The following ATP8A2 variants were observed in gnomAD, a reference collection of about 807,000 sequenced individuals.
ATP8A2 encodes the protein phospholipid-transporting ATPase IB.
Under a neutral mutation model 165.6 loss-of-function variants are expected in ATP8A2, and 100 were observed. That is an observed-to-expected ratio of 0.60 (90% CI 0.51 to 0.71). The LOEUF (loss-of-function observed/expected upper bound fraction) is 0.71, where lower values mean the gene tolerates loss of function less well. Among genes scored for constraint, ATP8A2 ranks in the 30% least tolerant of loss-of-function variants. The pLI, the probability that ATP8A2 is intolerant of heterozygous loss-of-function variation, is 0.00. For synonymous variants in ATP8A2, 543 were observed against 548.8 expected (o/e 0.99, Z 0.15); for missense variants, 1,227 against 1,479.5 (o/e 0.83, Z 2.80).
intron 1 of ATP8A2, among the ~76,000 whole-genome samples, chr13:25,405,464 C>G (rs2138037181): frequency 6.6e-6 from 1 of 152,310 alleles, no homozygotes; most frequent in South Asian, 2.1e-4. Flanking sequence ...GGTCTTCTTT[C>G]TGAGTATGGC....
chr13:25,785,191 G>A (rs998065612), intron 27 of ATP8A2, among the ~76,000 whole-genome samples: 1 of 151,514 alleles, frequency 6.6e-6, no homozygotes, highest in Non-Finnish European at 1.5e-5. Flanking sequence ...CTGAGGTCAG[G>A]AGTTCAAGAC....
chr13:25,857,159 T>C (rs1952189865), intron 30 of ATP8A2, among the ~76,000 whole-genome samples: 1 of 152,154 alleles, frequency 6.6e-6, no homozygotes, highest in African/African-American at 2.4e-5. Context: ...GCCCCACTGG[T>C]CTTCGTAATG....
At chr13:25,765,632 G>T (rs1218957586) in intron 25 of ATP8A2, among the ~76,000 whole-genome samples, 1 of 151,730 alleles carries the variant, frequency 6.6e-6, no homozygotes, top group East Asian at 1.9e-4. Flanking sequence ...CGTATGACTT[G>T]CTTTATATAC....
chr13:25,999,129 G>A (rs1057372598), intron 35 of ATP8A2, among the ~76,000 whole-genome samples: 14 of 152,170 alleles, frequency 9.2e-5, no homozygotes, highest in Non-Finnish European at 1.3e-4. Flanking sequence ...AAGCACACAT[G>A]CAATTTTACA....
chr13:25,806,475 G>C (rs1259766067), intron 27 of ATP8A2, among the ~76,000 whole-genome samples: 1 of 152,044 alleles, frequency 6.6e-6, no homozygotes, highest in Non-Finnish European at 1.5e-5. Context: ...ACATTACCAG[G>C]AATGTCATCT....
chr13:25,785,752 A>T (rs183499590), intron 27 of ATP8A2, among the ~76,000 whole-genome samples: 1 of 152,358 alleles, frequency 6.6e-6, no homozygotes, highest in Non-Finnish European at 1.5e-5. Context: ...GGTGATAGAA[A>T]GCCCAAGATC....
intron 1 of ATP8A2, among the ~76,000 whole-genome samples, chr13:25,466,500 C>T (rs1216556968): frequency 6.6e-6 from 1 of 152,174 alleles, no homozygotes; most frequent in Non-Finnish European, 1.5e-5. Flanking sequence ...CTCTTAGTCA[C>T]ACACTGGTAA....
chr13:25,844,801 A>G (rs1282124695), intron 30 of ATP8A2, among the ~76,000 whole-genome samples: 1 of 152,098 alleles, frequency 6.6e-6, no homozygotes, highest in Non-Finnish European at 1.5e-5. Flanking sequence ...TTGATACCTT[A>G]TGGATGATGT....
chr13:25,440,004 G>A (rs1413729283), intron 1 of ATP8A2, among the ~76,000 whole-genome samples: 1 of 152,190 alleles, frequency 6.6e-6, no homozygotes. Context: ...GTCATTTTAT[G>A]AGAGAAGGTT....
chr13:25,583,478 C>T (rs1337053609), intron 23 of ATP8A2, among the ~76,000 whole-genome samples: 6 of 152,164 alleles, frequency 3.9e-5, no homozygotes, highest in African/African-American at 1.2e-4. Context: ...ATAACCTATG[C>T]GTGTCACTGG....
intron 25 of ATP8A2, among the ~76,000 whole-genome samples, chr13:25,741,004 A>G (rs189581842): frequency 2.0e-5 from 3 of 152,356 alleles, no homozygotes; most frequent in Non-Finnish European, 2.9e-5. Flanking sequence ...AAATATGGCT[A>G]CGGTATTATA....
Position 25,641,577 on chromosome 13 carries a change from C to G in ATP8A2, c.2211+51878C>G, listed in dbSNP as rs554793275. ...TGAAGGACCTCTTCAAGGAGAACTA[C>G]AAACCACTGCTCAATGAAGTAAAAG... On this transcript the variant is annotated intron_variant, in intron 24 of 36. Transcript: ENST00000381655. 5.9e-5 allele frequency among the ~76,000 whole-genome samples: 9 copies of G among 152,280 alleles called. No homozygotes were observed. The South Asian group carries it at 1.9e-3, about 32-fold the overall frequency.
chr13:25,950,017 C>A (rs534919649), intron 33 of ATP8A2, among the ~76,000 whole-genome samples: 1 of 152,264 alleles, frequency 6.6e-6, no homozygotes, highest in East Asian at 1.9e-4. Context: ...CCAGGCTGAT[C>A]TCGAACTCTT....
intron 2 of ATP8A2, among the ~76,000 whole-genome samples, chr13:25,504,403 T>G (rs1472366591): frequency 6.6e-6 from 1 of 151,584 alleles, no homozygotes; most frequent in Non-Finnish European, 1.5e-5. Flanking sequence ...AGAATAATTT[T>G]TAAAAATCTT....
intron 27 of ATP8A2, among the ~76,000 whole-genome samples, chr13:25,807,893 T>G (rs1369957619): frequency 2.0e-5 from 3 of 152,172 alleles, no homozygotes; most frequent in Non-Finnish European, 4.4e-5. Context: ...TAAATTTCCT[T>G]TTAATATTTT....
At chr13:25,645,846 C>A (rs367957157) in intron 24 of ATP8A2, among the ~76,000 whole-genome samples, 24 of 152,098 alleles carry the variant, frequency 1.6e-4, no homozygotes, top group African/African-American at 5.8e-4. Flanking sequence ...TATGATCTGT[C>A]TTGGTGAATG....
chr13:25,620,434 G>A (rs994130251), intron 24 of ATP8A2, among the ~76,000 whole-genome samples: 1 of 152,100 alleles, frequency 6.6e-6, no homozygotes, highest in East Asian at 1.9e-4. Flanking sequence ...TTTGCTACCA[G>A]CCAACCCATA....
intron 25 of ATP8A2, among the ~76,000 whole-genome samples, chr13:25,711,303 C>T (rs1477271940): frequency 1.3e-5 from 2 of 152,140 alleles, no homozygotes; most frequent in East Asian, 1.9e-4. Flanking sequence ...CCGCGCCTGG[C>T]CAGTCCTGTA....
At chr13:25,519,298 G>A (rs1276050628) in intron 2 of ATP8A2, among the ~76,000 whole-genome samples, 1 of 151,962 alleles carries the variant, frequency 6.6e-6, no homozygotes, top group Non-Finnish European at 1.5e-5. Flanking sequence ...CCCAGCCAGT[G>A]TACCCTTCTG....
Sources: gnomAD v4.1 joint callset for allele counts (sites outside exome capture counted in the v4.1 genomes callset) on GRCh38, gnomAD v4.1.1 for gene constraint, MANE v1.5 for transcripts, NCBI Gene and HGNC (gene_info 2026-07-23, HGNC 2026-07-21) for gene names.